The following RPTOR variants were observed in gnomAD, a reference collection of about 807,000 sequenced individuals.
RPTOR encodes the protein regulatory-associated protein of mTOR.
Under a neutral mutation model 169.9 loss-of-function variants are expected in RPTOR, and 21 were observed. The ratio of observed to expected loss-of-function variants is 0.12; its 90% CI spans 0.09 to 0.18. The LOEUF (loss-of-function observed/expected upper bound fraction) is 0.18. Ranked by LOEUF, RPTOR falls within the 10% of genes least tolerant of loss-of-function variation. RPTOR has a pLI of 1.00. For missense variants in RPTOR, 1,133 were observed against 1,855.9 expected, an observed-to-expected ratio of 0.61 and a Z score of 7.16; for synonymous variants, 732 against 753.2, an observed-to-expected ratio of 0.97 and a Z score of 0.46.
intron 3 of RPTOR, among the ~76,000 whole-genome samples, chr17:80,685,525 T>A (rs905096061): frequency 6.8e-6 from 1 of 146,572 alleles, no homozygotes; most frequent in Admixed American, 7.0e-5. Flanking sequence ...CCTCCATCCT[T>A]GGCCTCCCAA....
intron 20 of RPTOR, among the ~76,000 whole-genome samples, chr17:80,906,597 G>A (rs553928717): frequency 5.0e-4 from 76 of 152,362 alleles, no homozygotes; most frequent in Non-Finnish European, 9.3e-4. Flanking sequence ...GGCAAGACCC[G>A]CAGGGGACGT....
intron 4 of RPTOR, among the ~76,000 whole-genome samples, chr17:80,710,662 A>G (rs574490461): frequency 2.0e-5 from 3 of 151,430 alleles, no homozygotes; most frequent in Non-Finnish European, 4.4e-5. Flanking sequence ...ACGTTGAATG[A>G]TACTGTATGA....
intron 3 of RPTOR, among the ~76,000 whole-genome samples, chr17:80,687,435 G>A (rs1460377902): frequency 6.6e-6 from 1 of 152,186 alleles, no homozygotes; most frequent in Non-Finnish European, 1.5e-5. Context: ...TCTTCCTCCG[G>A]TGCTCTTAGC....
intron 1 of RPTOR, among the ~76,000 whole-genome samples, chr17:80,560,374 C>G (rs2084465591): frequency 6.6e-6 from 1 of 152,172 alleles, no homozygotes; most frequent in South Asian, 2.1e-4. Flanking sequence ...CATCGAGCCC[C>G]TTCTCTGTGC....
chr17:80,808,241 A>T (rs772938331), intron 7 of RPTOR, among the ~76,000 whole-genome samples: 1 of 152,150 alleles, frequency 6.6e-6, no homozygotes, highest in African/African-American at 2.4e-5. Context: ...CCTGAGCAAC[A>T]TAGCAAGACC....
chr17:80,835,398 A>G (rs754133538), intron 9 of RPTOR, among the ~76,000 whole-genome samples: 1 of 152,172 alleles, frequency 6.6e-6, no homozygotes, highest in South Asian at 2.1e-4. Flanking sequence ...TTAGAAAATT[A>G]CCCAGGAGAA....
intron 6 of RPTOR, among the ~76,000 whole-genome samples, chr17:80,757,472 C>G (rs2066692199): frequency 6.6e-6 from 1 of 152,132 alleles, no homozygotes; most frequent in African/African-American, 2.4e-5. Flanking sequence ...TACAGTGTGC[C>G]TACCTCTATT....
intron 3 of RPTOR, among the ~76,000 whole-genome samples, chr17:80,676,264 A>G (rs1453312254): frequency 6.6e-6 from 1 of 152,238 alleles, no homozygotes; most frequent in Non-Finnish European, 1.5e-5. Context: ...TTAAGTAAAG[A>G]TGAATGGCGA....
At chr17:80,606,138 A>G (rs1599595890) in intron 1 of RPTOR, among the ~76,000 whole-genome samples, 1 of 152,122 alleles carries the variant, frequency 6.6e-6, no homozygotes, top group East Asian at 1.9e-4. Context: ...CAGCCTCCCA[A>G]GTAGCTGGGA....
chr17:80,665,924 G>A (rs1341932612), intron 3 of RPTOR, among the ~76,000 whole-genome samples: 3 of 152,136 alleles, frequency 2.0e-5, no homozygotes, highest in African/African-American at 7.2e-5. Flanking sequence ...AGGAAGTCTT[G>A]TTTGTCTCGT....
rs147196629 is a variant in RPTOR, at chr17:80,957,590, T to C, written c.3371-34T>C. 1.8e-4 allele frequency: 291 copies of C among 1,597,270 alleles called. 2 individuals are homozygous for C. The highest frequency in any genetic ancestry group is 1.2e-3 in the Middle Eastern group (7 of 6,018). Reference sequence around the variant, plus strand: ...AAAGCCTGCCCAAGGCAAGGGCCCATGGGGTGATGCCATGTCCCACTGTAT... The same window carrying C: ...AAAGCCTGCCCAAGGCAAGGGCCCACGGGGTGATGCCATGTCCCACTGTAT... On this transcript the variant is annotated intron_variant, in intron 28 of 33. Coordinates refer to ENST00000306801, the MANE Select transcript of RPTOR (RefSeq NM_020761.3). The surrounding 1 kb of genome is among the most constrained non-coding windows in gnomAD (Gnocchi z 4.6).
In RPTOR at chr17:80,708,627, C is replaced by T. The variant is rs541092814; in HGVS notation, c.507+628C>T. Reference sequence around the variant, plus strand: ...AGGGTGTGGTGGGTGCTGACTGTCTCCTCATCCTCCAGGGTGTGGTGGGTG... The same window carrying T: ...AGGGTGTGGTGGGTGCTGACTGTCTTCTCATCCTCCAGGGTGTGGTGGGTG... On this transcript the variant is annotated intron_variant, in intron 4 of 33. Coordinates refer to ENST00000306801, the MANE Select transcript of RPTOR (RefSeq NM_020761.3). The surrounding 1 kb of genome is among the most constrained non-coding windows in gnomAD (Gnocchi z 4.2). Among the ~76,000 whole-genome samples, 5 of 133,570 alleles carry T rather than the reference C, an allele frequency of 3.7e-5. 1 individual carries two copies. The highest frequency in any genetic ancestry group is 1.5e-4 in the African/African-American group (5 of 32,368). 87.6% of individuals were successfully genotyped at this position (133,570 alleles called of 152,430 possible). A position where few individuals can be genotyped will look rare whatever the true frequency, so the allele number is the denominator to read the frequency against.
rs543356089 is a variant in RPTOR, at chr17:80,928,083, C to T, written c.2919+2603C>T. ...TGAAAACAAATGCTCACTTGGTTGT[C>T]GTTGAAACAACAGGCTCTGGGTGTC... On this transcript the variant is annotated intron_variant, in intron 24 of 33. Coordinates refer to ENST00000306801, the MANE Select transcript of RPTOR (RefSeq NM_020761.3). Among the ~76,000 whole-genome samples the T allele has an allele frequency of 4.6e-5, 7 of 152,240 alleles. No homozygotes were observed. The South Asian group carries it at 1.2e-3, about 27-fold the overall frequency.
At chr17:80,694,218 GCCCCGTGCTCACGAAT>G (rs2066016898) in intron 3 of RPTOR, among the ~76,000 whole-genome samples, 1 of 152,344 alleles carries the variant, frequency 6.6e-6, no homozygotes, top group South Asian at 2.1e-4. Flanking sequence ...CGAGGCAGTT[GCCCCGTGCTCACGAAT>G]CCCTGACACA....
chr17:80,655,092 T>C (rs1458591810), intron 3 of RPTOR, among the ~76,000 whole-genome samples: 5 of 152,236 alleles, frequency 3.3e-5, no homozygotes. Flanking sequence ...AGTTTCTTTA[T>C]CTATTAATTT....
At chr17:80,868,471 G>T (rs925853422) in intron 13 of RPTOR, among the ~76,000 whole-genome samples, 3 of 152,224 alleles carry the variant, frequency 2.0e-5, no homozygotes, top group Non-Finnish European at 4.4e-5. Flanking sequence ...AGAAGCTGCT[G>T]TTATCAAGTG....
intron 1 of RPTOR, among the ~76,000 whole-genome samples, chr17:80,574,063 T>G (rs1436813387): frequency 6.6e-6 from 1 of 152,222 alleles, no homozygotes; most frequent in Non-Finnish European, 1.5e-5. Context: ...CTGGTAGAAC[T>G]TGCCCATAAG....
chr17:80,819,113 T>G (rs1055377538), intron 7 of RPTOR, among the ~76,000 whole-genome samples: 1 of 152,166 alleles, frequency 6.6e-6, no homozygotes, highest in African/African-American at 2.4e-5. Flanking sequence ...TCTTCCGGAA[T>G]GCAGCCCTGG....
intron 6 of RPTOR, among the ~76,000 whole-genome samples, chr17:80,765,017 C>T (rs1446605754): frequency 3.3e-5 from 5 of 152,022 alleles, no homozygotes; most frequent in Non-Finnish European, 5.9e-5. Flanking sequence ...TACATTTAGT[C>T]AGAAAACAAA....
Sources: allele counts gnomAD v4.1 joint callset (sites outside exome capture counted in the v4.1 genomes callset), GRCh38; gene constraint gnomAD v4.1.1; non-coding constraint Gnocchi (gnomAD v3.1); transcripts MANE v1.5; gene names NCBI Gene and HGNC (gene_info 2026-07-23, HGNC 2026-07-21).